The following KRT12 variants were observed in gnomAD, a reference collection of about 807,000 sequenced individuals.
KRT12 encodes keratin 12.
KRT12 carries 43 observed loss-of-function variants against 50.2 expected under a neutral mutation model. That is an observed-to-expected ratio of 0.86 (90% CI 0.67 to 1.11). The LOEUF (loss-of-function observed/expected upper bound fraction) is 1.11, where lower values mean the gene tolerates loss of function less well. KRT12 is among the 50% of genes least tolerant of loss of function. The probability of loss-of-function intolerance (pLI) is 0.00; values close to 1 mark genes in which losing one functional copy is unlikely to be tolerated. For synonymous variants in KRT12, 257 were observed against 253.6 expected, an observed-to-expected ratio of 1.01 and a Z score of -0.13; for missense variants, 588 against 625.6, an observed-to-expected ratio of 0.94 and a Z score of 0.64.
intron 6 of KRT12, 119 bp from the exon 7 acceptor site, chr17:40,862,754 G>T: frequency 1.3e-6 from 1 of 796,624 alleles, no homozygotes; most frequent in Non-Finnish European, 2.2e-6. Flanking sequence ...AACTAGTGCA[G>T]ACTCTGATCA....
chr17:40,864,815 GTTC>G lies in KRT12; in HGVS notation c.795_797del (p.Lys265del), dbSNP rs1906953585. ...GCCCTGTCTGACTCACATCCTCGTG[GTTC>G]TTCTTCATGTAGGCCAGCTCCTCGT... On this transcript the variant is annotated inframe_deletion, in exon 3 of 8. Coordinates refer to ENST00000251643, the MANE Select transcript of KRT12 (RefSeq NM_000223.4). 2 of 1,614,186 alleles carry G rather than the reference GTTC, an allele frequency of 1.2e-6. No homozygotes were observed. The highest frequency in any genetic ancestry group is 1.7e-6 in the Non-Finnish European group (2 of 1,180,044).
At chr17:40,866,042 C>T (rs1325802767) in intron 2 of KRT12, 113 bp downstream of exon 2, 1 of 800,014 alleles carries the variant, frequency 1.2e-6, no homozygotes, top group Non-Finnish European at 2.2e-6. Flanking sequence ...TTTACCAAAA[C>T]AGTAAATATA....
In KRT12 at chr17:40,866,852, A is replaced by G; in HGVS notation, c.335T>C (p.Ile112Thr). The change falls in exon 1 of 8, where the codon ATT becomes ACT. Residue 112 changes from isoleucine (I) to threonine (T), a missense_variant. Ile to Thr is a moderately conservative substitution (Grantham distance 89). Transcript: ENST00000251643. Reference sequence around the variant, plus strand: ...AAGGCCTCCATCATTGCCCGAGAGAATACCTAGAGAGCCACCTCCTGGGCT... The same window carrying G: ...AAGGCCTCCATCATTGCCCGAGAGAGTACCTAGAGAGCCACCTCCTGGGCT... ...GGSPGGGSLG[I>T]LSGNDGGLLS... 2 of 1,614,100 alleles carry G rather than the reference A, an allele frequency of 1.2e-6. No homozygotes were observed. The highest frequency in any genetic ancestry group is 1.3e-5 in the African/African-American group (1 of 75,004).
intron 7 of KRT12, among the ~76,000 whole-genome samples, 193 bp from the exon 8 acceptor site, chr17:40,861,951 T>C (rs1597840600): frequency 6.6e-6 from 1 of 152,266 alleles, no homozygotes; most frequent in African/African-American, 2.4e-5. Context: ...TGTTGCCTTG[T>C]ACATATATGA....
Position 40,864,807 on chromosome 17 carries a change from T to A in KRT12, c.806A>T (p.Asp269Val). 4.3e-6 allele frequency: 7 copies of A among 1,613,868 alleles called. No individual in the cohort carries two copies. Among genetic ancestry groups the A allele is most frequent in the Non-Finnish European group, 5.9e-6 (7 of 1,179,980 alleles). Residue 269 changes from aspartate to valine, a missense_variant and splice_region_variant, in exon 3 of 8, where the codon GAT (aspartate) becomes GTT (valine). Transcript: ENST00000251643. ...ELAYMKKNHE[D>V]ELQSFRVGGP... is the part of the protein sequence containing the mutation. ...GTGAGGCTGCCCTGTCTGACTCACA[T>A]CCTCGTGGTTCTTCTTCATGTAGGC...
chr17:40,861,608 T>A lies in KRT12; in HGVS notation c.*53A>T. The A allele has an allele frequency of 9.2e-7, 1 of 1,091,648 alleles. No homozygotes were observed. The highest frequency in any genetic ancestry group is 1.4e-6 in the Non-Finnish European group (1 of 703,166). The allele number at this position is 1,091,648 out of a possible 1,614,324, so 67.6% of individuals were successfully genotyped here. A position where few individuals can be genotyped will look rare whatever the true frequency, so the allele number is the denominator to read the frequency against. ...TTACTCTGAAAGGAATAATTTCTAC[T>A]TGTAAATTTCTTGTTCCTAAGGAAC... On this transcript the variant is annotated 3_prime_UTR_variant, in exon 8 of 8. Coordinates refer to ENST00000251643, the MANE Select transcript of KRT12 (RefSeq NM_000223.4).
rs746653872 is a variant in KRT12 at position 40,864,787 on chromosome 17, G to T, written c.807+19C>A. On this transcript the variant is annotated intron_variant, in intron 3 of 7. Transcript: ENST00000251643. ...AGAAAAAAAAAAGTAGCTGAGTGAGGCTGCCCTGTCTGACTCACATCCTCG... is the reference window on the plus strand; with the variant it reads ...AGAAAAAAAAAAGTAGCTGAGTGAGTCTGCCCTGTCTGACTCACATCCTCG... The T allele has an allele frequency of 8.1e-6, 13 of 1,613,386 alleles. No homozygotes were observed. In the South Asian group the frequency reaches 1.3e-4, roughly 16 times the overall value.
Position 40,863,574 on chromosome 17 carries a change from C to T in KRT12, c.1006G>A (p.Glu336Lys), listed in dbSNP as rs761474393. Reference sequence around the variant, plus strand: ...TCGCTCTTGCTGGACTGAAGCTGCTCGGTGTTGGTGCTAATCTCCTTACGG... The same window carrying T: ...TCGCTCTTGCTGGACTGAAGCTGCTTGGTGTTGGTGCTAATCTCCTTACGG... ...ELRKEISTNTEQLQSSKSEVT... is the reference protein window; with the variant it reads ...ELRKEISTNTKQLQSSKSEVT... Residue 336 changes from glutamate to lysine, a missense_variant, in exon 5 of 8, where the codon GAG (glutamate) becomes AAG (lysine). By Grantham distance (56) the Glu-to-Lys change is moderately conservative (BLOSUM62 1). Transcript: ENST00000251643. The surrounding 1 kb of genome is among the most constrained non-coding windows in gnomAD (Gnocchi z 4.2). 11 of 1,614,216 alleles carry T rather than the reference C, an allele frequency of 6.8e-6. No individual in the cohort carries two copies. Among genetic ancestry groups the T allele is most frequent in the South Asian group, 1.1e-5 (1 of 91,088 alleles).
At chr17:40,865,163 A>C (rs2143265098) in intron 2 of KRT12, among the ~76,000 whole-genome samples, 1 of 152,350 alleles carries the variant, frequency 6.6e-6, no homozygotes, top group South Asian at 2.1e-4. Flanking sequence ...GGAGGAGAAG[A>C]AAAGTGAATA....
intron 1 of KRT12, 145 bp downstream of exon 1, chr17:40,866,475 G>A: frequency 1.3e-6 from 1 of 761,854 alleles, no homozygotes; most frequent in South Asian, 1.7e-5. Context: ...TGATAAAGTG[G>A]AGTGAAACAA....
chr17:40,866,168 C>A lies in KRT12; in HGVS notation c.637G>T (p.Asp213Tyr), dbSNP rs765898284. 27 of 1,613,972 alleles carry A rather than the reference C, an allele frequency of 1.7e-5. No individual in the cohort carries two copies. The highest frequency in any genetic ancestry group is 3.3e-4 in the Middle Eastern group (2 of 6,062). ...QIDNARLAAE[D>Y]FRMKYENELA... ...TATTCGACTCACTTCATCCTGAAGTCCTCAGCAGCTAGTCTCGCATTGTCA... is the reference window on the plus strand; with the variant it reads ...TATTCGACTCACTTCATCCTGAAGTACTCAGCAGCTAGTCTCGCATTGTCA... Residue 213 changes from aspartate to tyrosine, a missense_variant, in exon 2 of 8, where the codon GAC becomes TAC. Transcript: ENST00000251643.
rs1283389548 is a variant in KRT12, at chr17:40,864,900, A to G, written c.713T>C (p.Val238Ala). The G allele has an allele frequency of 1.2e-6, 2 of 1,614,082 alleles. No homozygotes were observed. The highest frequency in any genetic ancestry group is 1.7e-6 in the Non-Finnish European group (2 of 1,180,032). The change falls in exon 3 of 8, where the codon GTG (valine) becomes GCG (alanine). Residue 238 changes from valine to alanine, a missense_variant. Physicochemically the swap from Val to Ala is moderately conservative, Grantham distance 64. Coordinates refer to ENST00000251643, the MANE Select transcript of KRT12 (RefSeq NM_000223.4). ...VEADINGLRR[V>A]LDELTLTRTD... ...CCTGGTCAGGGTCAGCTCGTCCAGC[A>G]CCCGGCGCAGGCCATTGATGTCGGC...
chr17:40,863,039 C>G lies in KRT12; in HGVS notation c.1316+84G>C, dbSNP rs1250331079. The G allele has an allele frequency of 2.6e-6, 3 of 1,173,996 alleles. No individual in the cohort carries two copies. Among genetic ancestry groups the G allele is most frequent in the Non-Finnish European group, 3.8e-6 (3 of 787,954 alleles). The allele number at this position is 1,173,996 out of a possible 1,614,324, so 72.7% of individuals were successfully genotyped here. On this transcript the variant is annotated intron_variant, in intron 6 of 7. Transcript: ENST00000251643. This position sits in a 1 kb window ranked among gnomAD's most constrained non-coding sequence, Gnocchi z 4.2. The stretch of plus-strand genomic sequence containing the variant: ...TGTGTTTGTTTGTTTGCTTTTCTGT[C>G]AACTAAAACCCCATTCCTTCTATTT...
chr17:40,861,608 T>C lies in KRT12; in HGVS notation c.*53A>G, dbSNP rs1906804972. The C allele has an allele frequency of 9.2e-7, 1 of 1,091,648 alleles. No homozygotes were observed. The highest frequency in any genetic ancestry group is 1.4e-6 in the Non-Finnish European group (1 of 703,166). The allele number at this position is 1,091,648 out of a possible 1,614,324, so 67.6% of individuals were successfully genotyped here. On this transcript the variant is annotated 3_prime_UTR_variant, in exon 8 of 8. Transcript: ENST00000251643. The stretch of plus-strand genomic sequence containing the variant: ...TTACTCTGAAAGGAATAATTTCTAC[T>C]TGTAAATTTCTTGTTCCTAAGGAAC...
rs749868871 is a variant in KRT12 at position 40,862,554 on chromosome 17, T to C, written c.1387+11A>G. ...CGACTTATTCTAAGTGATTCTAGGG[T>C]TTCTGCATACCTTTAGAGGAATCAG... On this transcript the variant is annotated intron_variant, in intron 7 of 7. Transcript: ENST00000251643. 23 of 1,596,522 alleles carry C rather than the reference T, an allele frequency of 1.4e-5. No homozygotes were observed. Among genetic ancestry groups the C allele is most frequent in the Non-Finnish European group, 2.0e-5 (23 of 1,164,224 alleles).
In KRT12 at chr17:40,863,990, A is replaced by ACACACACACACT. The variant is rs1398032327; in HGVS notation, c.808-127_808-126insAGTGTGTGTGTG. 4.6e-6 allele frequency: 3 copies of ACACACACACACT among 647,392 alleles called. No individual in the cohort carries two copies. Among genetic ancestry groups the ACACACACACACT allele is most frequent in the South Asian group, 4.3e-5 (2 of 46,582 alleles). 40.1% of individuals were successfully genotyped at this position (647,392 alleles called of 1,614,324 possible). A position where few individuals can be genotyped will look rare whatever the true frequency, so the allele number is the denominator to read the frequency against. On this transcript the variant is annotated intron_variant, in intron 3 of 7. Transcript: ENST00000251643. This position sits in a 1 kb window ranked among gnomAD's most constrained non-coding sequence, Gnocchi z 4.2. Reference sequence around the variant, plus strand: ...CACACACACACACACACACACACACACTTAAAAATTCTATCTTATGACTGT... The same window carrying ACACACACACACT: ...CACACACACACACACACACACACACACACACACACACTCTTAAAAATTCTATCTTATGACTGT...
chr17:40,866,185 G>C lies in KRT12; in HGVS notation c.620C>G (p.Ala207Gly), dbSNP rs978113022. ...NAQLLLQIDN[A>G]RLAAEDFRMK... is the part of the protein sequence containing the mutation. ...CCTGAAGTCCTCAGCAGCTAGTCTC[G>C]CATTGTCAATCTGCAAGAGGAGCTG... The change falls in exon 2 of 8, where the codon GCG (alanine) becomes GGG (glycine). Residue 207 changes from alanine to glycine, a missense_variant. Coordinates refer to ENST00000251643, the MANE Select transcript of KRT12 (RefSeq NM_000223.4). 1 of 1,613,978 alleles carries C rather than the reference G, an allele frequency of 6.2e-7. No individual in the cohort carries two copies. Among genetic ancestry groups the C allele is most frequent in the Non-Finnish European group, 8.5e-7 (1 of 1,179,910 alleles).
In KRT12 at chr17:40,864,939, C is replaced by G. The variant is rs763384010; in HGVS notation, c.674G>C (p.Arg225Pro). ...RMKYENELAL[R>P]QGVEADINGL... is the part of the protein sequence containing the mutation. Reference sequence around the variant, plus strand: ...ATTGATGTCGGCCTCTACGCCCTGGCGCAGGGCCAGTTCATTCTCATACCT... The same window carrying G: ...ATTGATGTCGGCCTCTACGCCCTGGGGCAGGGCCAGTTCATTCTCATACCT... Residue 225 changes from arginine (R) to proline (P), a missense_variant, in exon 3 of 8, where the codon CGC becomes CCC. Arg to Pro is a moderately radical substitution (Grantham distance 103). Transcript: ENST00000251643. 6.2e-7 allele frequency: 1 copy of G among 1,614,218 alleles called. No individual in the cohort carries two copies. Among genetic ancestry groups the G allele is most frequent in the Non-Finnish European group, 8.5e-7 (1 of 1,180,042 alleles).
At chr17:40,866,586 A>C in intron 1 of KRT12, 34 bp downstream of exon 1, 1 of 1,583,980 alleles carries the variant, frequency 6.3e-7, no homozygotes, top group East Asian at 2.2e-5. Flanking sequence ...AAGGAAAAAA[A>C]AAATTCCCAA....
Sources: allele counts gnomAD v4.1 joint callset (sites outside exome capture counted in the v4.1 genomes callset), GRCh38; gene constraint gnomAD v4.1.1; non-coding constraint Gnocchi (gnomAD v3.1); transcripts MANE v1.5; gene names NCBI Gene and HGNC (gene_info 2026-07-23, HGNC 2026-07-21).